The following PHLDB2 variants were observed in gnomAD, a reference collection of about 807,000 sequenced individuals.
PHLDB2 encodes pleckstrin homology-like domain family B member 2.
PHLDB2 carries 71 observed loss-of-function variants against 123.6 expected under a neutral mutation model. The ratio of observed to expected loss-of-function variants is 0.57; its 90% confidence interval spans 0.47 to 0.70. The LOEUF (loss-of-function observed/expected upper bound fraction) is 0.70, where lower values mean the gene tolerates loss of function less well. PHLDB2 is among the 30% of genes least tolerant of loss of function. The pLI, the probability that PHLDB2 is intolerant of heterozygous loss-of-function variation, is 0.00. For missense variants in PHLDB2, 1,446 were observed against 1,519.5 expected, an observed-to-expected ratio of 0.95 and a Z score of 0.80; for synonymous variants, 547 against 541.6, an observed-to-expected ratio of 1.01 and a Z score of -0.14.
At chr3:111,783,061 T>C (rs1442693881) in intron 1 of PHLDB2, among the ~76,000 whole-genome samples, 2 of 152,116 alleles carry the variant, frequency 1.3e-5, no homozygotes, top group Non-Finnish European at 2.9e-5. Flanking sequence ...AGGACAGCAC[T>C]TTCTAAAATT....
At chr3:111,791,946 C>T (rs1384250973) in intron 1 of PHLDB2, among the ~76,000 whole-genome samples, 1 of 152,050 alleles carries the variant, frequency 6.6e-6, no homozygotes, top group East Asian at 1.9e-4. Context: ...ATTTTTGTAC[C>T]CATTAACCAT....
intron 11 of PHLDB2, among the ~76,000 whole-genome samples, chr3:111,953,213 C>T (rs1434545927): frequency 6.6e-6 from 1 of 152,072 alleles, no homozygotes; most frequent in Non-Finnish European, 1.5e-5. Flanking sequence ...ACCAAGGAGC[C>T]CTCAGCTGGT....
At chr3:111,906,972 T>C (rs1206737380) in intron 2 of PHLDB2, among the ~76,000 whole-genome samples, 1 of 152,196 alleles carries the variant, frequency 6.6e-6, no homozygotes, top group African/African-American at 2.4e-5. Context: ...TAAAATAAAA[T>C]AATGTGTGGC....
intron 1 of PHLDB2, among the ~76,000 whole-genome samples, chr3:111,797,882 A>G (rs2061227809): frequency 6.6e-6 from 1 of 152,236 alleles, no homozygotes; most frequent in South Asian, 2.1e-4. Context: ...CTGTAATCAC[A>G]GCCCTGTGGG....
intron 10 of PHLDB2, 29 bp downstream of exon 10, chr3:111,949,104 A>G (rs1006995860): frequency 1.2e-6 from 2 of 1,609,554 alleles, no homozygotes; most frequent in East Asian, 2.2e-5. Flanking sequence ...TCATTCATTC[A>G]CTGCTTTTCT....
chr3:111,883,981 G>A (rs6805359), intron 1 of PHLDB2, 83 bp from the exon 2 acceptor site: 694,567 of 1,321,610 alleles, frequency 0.53, 186,277 homozygotes, highest in East Asian at 0.77. Context: ...CTGCAAGATT[G>A]TTTGTTCAGA....
At chr3:111,827,879 T>G (rs1210481947) in intron 1 of PHLDB2, among the ~76,000 whole-genome samples, 1 of 152,014 alleles carries the variant, frequency 6.6e-6, no homozygotes, top group Non-Finnish European at 1.5e-5. Flanking sequence ...CAGTACATAT[T>G]TCCAAATGAA....
intron 15 of PHLDB2, among the ~76,000 whole-genome samples, chr3:111,968,973 AT>A (rs2071990786): frequency 6.6e-6 from 1 of 152,322 alleles, no homozygotes; most frequent in African/African-American, 2.4e-5. Context: ...ATAAGACACC[AT>A]TTTAGAACTA....
chr3:111,898,170 GTGTGTGTGTGTT>G lies in PHLDB2; in HGVS notation c.1335+12770_1335+12781del, dbSNP rs1387697394. ...TGGCTGTGGCAATTTCTTTGTGTGT[GTGTGTGTGTGTT>G]TGTGTGTGTGTGTGTGTGTGTGTGT... is the stretch of plus-strand genomic sequence containing the variant. On this transcript the variant is annotated intron_variant, in intron 2 of 17. Coordinates refer to ENST00000431670, the MANE Select transcript of PHLDB2 (RefSeq NM_001134438.2). Among the ~76,000 whole-genome samples the G allele has an allele frequency of 5.4e-5, 7 of 130,072 alleles. No individual in the cohort carries two copies. The Middle Eastern group carries it at 0.011, about 201-fold the overall frequency. 85.3% of individuals were successfully genotyped at this position (130,072 alleles called of 152,430 possible). A position where few individuals can be genotyped will look rare whatever the true frequency, so the allele number is the denominator to read the frequency against.
chr3:111,940,811 C>T (rs1370281693), intron 8 of PHLDB2, among the ~76,000 whole-genome samples, 166 bp downstream of exon 8: 1 of 152,116 alleles, frequency 6.6e-6, no homozygotes, highest in Non-Finnish European at 1.5e-5. Flanking sequence ...AGCTGATACT[C>T]TGAACTATTA....
Position 111,932,414 on chromosome 3 carries a change from A to C in PHLDB2, c.2130+17A>C, listed in dbSNP as rs2069194882. On this transcript the variant is annotated intron_variant, in intron 6 of 17. Coordinates refer to ENST00000431670, the MANE Select transcript of PHLDB2 (RefSeq NM_001134438.2). ...CTGAAGAGGGTCAGTAGCAAACAGG[A>C]ATGCACCAGTTATTTTGCTTTTCGT... 2.0e-6 allele frequency: 3 copies of C among 1,536,336 alleles called. No individual in the cohort carries two copies. Among genetic ancestry groups the C allele is most frequent in the African/African-American group, 2.8e-5 (2 of 72,322 alleles).
chr3:111,772,865 C>G (rs1411732285), intron 1 of PHLDB2, among the ~76,000 whole-genome samples: 1 of 152,184 alleles, frequency 6.6e-6, no homozygotes, highest in Non-Finnish European at 1.5e-5. Context: ...CACAGGCCTG[C>G]ACCCCTGAAG....
Position 111,876,513 on chromosome 3 carries a change from TAAA to T in PHLDB2, c.-14-7550_-14-7548del, listed in dbSNP as rs139432577. Among the ~76,000 whole-genome samples the T allele has an allele frequency of 4.3e-3, 659 of 152,334 alleles. 9 individuals carry two copies. The highest frequency in any genetic ancestry group is 0.015 in the African/African-American group (634 of 41,564). On this transcript the variant is annotated intron_variant, in intron 1 of 17. Transcript: ENST00000431670. ...TGTATGATATACTATATTCTTATAA[TAAA>T]GTAATTTAGAGAAAAGAGGTTATTA... is the stretch of plus-strand genomic sequence containing the variant.
intron 2 of PHLDB2, among the ~76,000 whole-genome samples, chr3:111,854,005 G>T (rs1258324742): frequency 6.6e-6 from 1 of 152,188 alleles, no homozygotes; most frequent in Non-Finnish European, 1.5e-5. Flanking sequence ...CCTGAGACTG[G>T]GTAACTTATA....
intron 1 of PHLDB2, among the ~76,000 whole-genome samples, chr3:111,777,418 A>G (rs942665482): frequency 5.9e-5 from 9 of 152,252 alleles, no homozygotes; most frequent in African/African-American, 2.2e-4. Context: ...TGAAGTTAAT[A>G]TTCAGCTCTA....
intron 1 of PHLDB2, among the ~76,000 whole-genome samples, chr3:111,879,437 G>C (rs2065827554): frequency 6.6e-6 from 1 of 152,132 alleles, no homozygotes; most frequent in African/African-American, 2.4e-5. Flanking sequence ...TTATTAAGTG[G>C]AAGTGGATCA....
chr3:111,802,702 C>T (rs1468738262), intron 1 of PHLDB2, among the ~76,000 whole-genome samples: 2 of 152,180 alleles, frequency 1.3e-5, no homozygotes, highest in Non-Finnish European at 2.9e-5. Flanking sequence ...TTTTAACTTA[C>T]ATTCGTTACA....
intron 1 of PHLDB2, among the ~76,000 whole-genome samples, chr3:111,815,966 G>C (rs1450312178): frequency 1.3e-5 from 2 of 152,204 alleles, no homozygotes; most frequent in African/African-American, 4.8e-5. Context: ...CCTGAAAGGA[G>C]CCAACATAGA....
intron 2 of PHLDB2, chr3:111,911,598 G>A (rs1427448616): frequency 1.3e-6 from 2 of 1,534,102 alleles, no homozygotes; most frequent in Non-Finnish European, 1.7e-6. Context: ...AAGTACCAGG[G>A]CTCCTGGATG....
Sources: gnomAD v4.1 joint callset for allele counts (sites outside exome capture counted in the v4.1 genomes callset) on GRCh38, gnomAD v4.1.1 for gene constraint, MANE v1.5 for transcripts, NCBI Gene and HGNC (gene_info 2026-07-23, HGNC 2026-07-21) for gene names.